Variants in CHRM3 observed in about 807,000 individuals in gnomAD.
CHRM3 encodes muscarinic acetylcholine receptor M3.
Under a neutral mutation model 41.8 loss-of-function variants are expected in CHRM3, and 11 were observed. The ratio of observed to expected loss-of-function variants is 0.26; its 90% confidence interval spans 0.17 to 0.44. The LOEUF (loss-of-function observed/expected upper bound fraction) is 0.44, where lower values mean the gene tolerates loss of function less well. Among genes scored for constraint, CHRM3 ranks in the 20% least tolerant of loss-of-function variants. CHRM3 has a pLI of 1.00. For synonymous variants in CHRM3, 297 were observed against 301.4 expected, an observed-to-expected ratio of 0.99 and a Z score of 0.15; for missense variants, 571 against 745.4, an observed-to-expected ratio of 0.77 and a Z score of 2.72.
chr1:239,660,053 T>G (rs1673050853), intron 4 of CHRM3, among the ~76,000 whole-genome samples: 1 of 152,230 alleles, frequency 6.6e-6, no homozygotes, highest in Non-Finnish European at 1.5e-5. Flanking sequence ...GTCCAAATCC[T>G]GGGCTCAAAT....
At chr1:239,642,538 C>T (rs1353045507) in intron 4 of CHRM3, among the ~76,000 whole-genome samples, 1 of 152,178 alleles carries the variant, frequency 6.6e-6, no homozygotes, top group Admixed American at 6.5e-5. Context: ...ACTGATACCT[C>T]TTCTTCCAGT....
intron 5 of CHRM3, among the ~76,000 whole-genome samples, chr1:239,708,687 A>G (rs1168244836): frequency 6.7e-6 from 1 of 149,116 alleles, no homozygotes; most frequent in Non-Finnish European, 1.5e-5. Context: ...AATTTTTGCC[A>G]AAGTTACTGT....
intron 5 of CHRM3, among the ~76,000 whole-genome samples, chr1:239,814,161 C>T (rs1397117327): frequency 4.6e-5 from 7 of 152,110 alleles, no homozygotes; most frequent in African/African-American, 1.4e-4. Context: ...TGTCCCTGGA[C>T]GAGAAGTCAA....
chr1:239,864,133 T>G (rs1223702843), intron 6 of CHRM3, among the ~76,000 whole-genome samples: 5 of 149,296 alleles, frequency 3.3e-5, no homozygotes, highest in Non-Finnish European at 7.4e-5. Flanking sequence ...TCATCCCAGC[T>G]ACTTAGGAGG....
intron 4 of CHRM3, among the ~76,000 whole-genome samples, chr1:239,651,039 G>A (rs560944162): frequency 6.6e-5 from 10 of 152,258 alleles, no homozygotes; most frequent in African/African-American, 1.7e-4. Context: ...GCTCATGACA[G>A]CAAACCTAGC....
intron 1 of CHRM3, among the ~76,000 whole-genome samples, chr1:239,454,671 G>A (rs7513717): frequency 0.068 from 10,366 of 152,206 alleles, 698 homozygotes; most frequent in African/African-American, 0.18. Flanking sequence ...AAAGCCATCA[G>A]TCATCTCAGC....
intron 3 of CHRM3, among the ~76,000 whole-genome samples, chr1:239,615,005 A>G (rs184905022): frequency 6.6e-6 from 1 of 152,292 alleles, no homozygotes; most frequent in East Asian, 1.9e-4. Flanking sequence ...AAGGTATTAT[A>G]CTCAAATAAA....
intron 5 of CHRM3, among the ~76,000 whole-genome samples, chr1:239,776,574 G>A (rs1004368206): frequency 6.6e-6 from 1 of 152,072 alleles, no homozygotes; most frequent in Non-Finnish European, 1.5e-5. Context: ...AGAACAAAGA[G>A]ATGAAAAGAA....
intron 6 of CHRM3, among the ~76,000 whole-genome samples, chr1:239,869,511 T>A (rs185550917): frequency 9.2e-5 from 14 of 152,172 alleles, no homozygotes; most frequent in African/African-American, 3.1e-4. Flanking sequence ...AGCCTTAAAG[T>A]GGTCTCTGCC....
At chr1:239,829,628 CAT>C (rs1014747538) in intron 6 of CHRM3, among the ~76,000 whole-genome samples, 2 of 152,106 alleles carry the variant, frequency 1.3e-5, no homozygotes, top group African/African-American at 2.4e-5. Flanking sequence ...TTGTTTGACT[CAT>C]GTGGTCTTCA....
chr1:239,532,043 T>G (rs1433285645), intron 2 of CHRM3, among the ~76,000 whole-genome samples: 1 of 119,264 alleles, frequency 8.4e-6, no homozygotes, highest in Non-Finnish European at 1.7e-5. Context: ...GACGGAGTCT[T>G]GCCCTGTCTC....
intron 3 of CHRM3, among the ~76,000 whole-genome samples, chr1:239,592,076 G>A (rs1004902654): frequency 6.6e-6 from 1 of 152,132 alleles, no homozygotes; most frequent in African/African-American, 2.4e-5. Context: ...TTTTCTCTCT[G>A]GCGAGGTAGA....
At chr1:239,716,111 T>C (rs1662330485) in intron 5 of CHRM3, among the ~76,000 whole-genome samples, 1 of 151,890 alleles carries the variant, frequency 6.6e-6, no homozygotes, top group Admixed American at 6.6e-5. Context: ...AAACGAGAAG[T>C]GGGTACTAAC....
chr1:239,898,290 G>C (rs977040875), intron 6 of CHRM3: 2 of 152,222 alleles, frequency 1.3e-5, no homozygotes, highest in African/African-American at 4.8e-5. Context: ...TTCAGCGCCT[G>C]CTGGCAGAGA....
intron 6 of CHRM3, among the ~76,000 whole-genome samples, chr1:239,851,771 T>G (rs1674712886): frequency 6.6e-6 from 1 of 152,186 alleles, no homozygotes; most frequent in Non-Finnish European, 1.5e-5. Flanking sequence ...ACTATTTGCT[T>G]CTTTTCCATA....
chr1:239,746,008 C>T (rs1162764986), intron 5 of CHRM3, among the ~76,000 whole-genome samples: 2 of 151,952 alleles, frequency 1.3e-5, no homozygotes, highest in East Asian at 1.9e-4. Context: ...TCATTTAATT[C>T]GTAAAGGAAC....
At chr1:239,595,969 A>G (rs573480862) in intron 3 of CHRM3, among the ~76,000 whole-genome samples, 2 of 152,332 alleles carry the variant, frequency 1.3e-5, no homozygotes, top group African/African-American at 4.8e-5. Flanking sequence ...TTAGACTAAG[A>G]ATCAGTGTAA....
intron 1 of CHRM3, among the ~76,000 whole-genome samples, chr1:239,467,604 C>T (rs980787719): frequency 7.2e-5 from 11 of 152,082 alleles, no homozygotes; most frequent in Admixed American, 3.3e-4. Context: ...CCGGCCGCCT[C>T]GAGTTCTTAA....
intron 2 of CHRM3, among the ~76,000 whole-genome samples, chr1:239,520,986 G>A (rs751046877): frequency 1.3e-5 from 2 of 152,078 alleles, no homozygotes; most frequent in African/African-American, 4.8e-5. Flanking sequence ...AATGGAGTTT[G>A]ACCCAATATG....
Sources: allele counts gnomAD v4.1 joint callset (sites outside exome capture counted in the v4.1 genomes callset), GRCh38; gene constraint gnomAD v4.1.1; transcripts MANE v1.5; gene names NCBI Gene and HGNC (gene_info 2026-07-23, HGNC 2026-07-21).